The following UGT1A7 variants were observed in gnomAD, a reference collection of about 807,000 sequenced individuals.
The protein encoded by UGT1A7 is UDP glucuronosyltransferase family 1 member A7.
In UGT1A7, 33 loss-of-function variants were observed where a neutral mutation model predicts 45.6. That is an observed-to-expected ratio of 0.72 (90% CI 0.55 to 0.97). UGT1A7 has a LOEUF of 0.97. Among genes scored for constraint, UGT1A7 ranks in the 50% least tolerant of loss-of-function variants. The pLI, the probability that UGT1A7 is intolerant of heterozygous loss-of-function variation, is 0.00. For synonymous variants in UGT1A7, 274 were observed against 250.6 expected (o/e 1.09, Z -0.88); for missense variants, 684 against 666.2 (o/e 1.03, Z -0.29).
At chr2:233,762,567 G>A (rs1279617671) in intron 1 of UGT1A7, among the ~76,000 whole-genome samples, 2 of 152,176 alleles carry the variant, frequency 1.3e-5, no homozygotes, top group Non-Finnish European at 2.9e-5. Flanking sequence ...ATCTAGTCTA[G>A]TTCCCCACAG....
At chr2:233,714,147 C>T (rs548246419) in intron 1 of UGT1A7, among the ~76,000 whole-genome samples, 18 of 152,186 alleles carry the variant, frequency 1.2e-4, no homozygotes, top group Admixed American at 6.5e-5. Flanking sequence ...GCACCATCTT[C>T]ATGGCTGTGG....
intron 1 of UGT1A7, chr2:233,729,272 G>C: frequency 6.2e-7 from 1 of 1,614,200 alleles, no homozygotes; most frequent in South Asian, 1.1e-5. Flanking sequence ...GAGGTCTTGC[G>C]GGAGCTCCAT....
rs574132609 is a variant in UGT1A7, at chr2:233,741,478, G to A, written c.856-25556G>A. The A allele has an allele frequency of 8.6e-5, 13 of 151,780 alleles. 2 individuals carry two copies. Among genetic ancestry groups the A allele is most frequent in the African/African-American group, 2.4e-4 (10 of 41,054 alleles). The allele number at this position is 151,780 out of a possible 1,614,324, so 9.4% of individuals were successfully genotyped here. A position where few individuals can be genotyped will look rare whatever the true frequency, so the allele number is the denominator to read the frequency against. ...TATCTTCACACATGTAAGTTCCCTCGTCTGATGTACAAAAAACTGAACTCA... is the reference window on the plus strand; with the variant it reads ...TATCTTCACACATGTAAGTTCCCTCATCTGATGTACAAAAAACTGAACTCA... On this transcript the variant is annotated intron_variant, in intron 1 of 4. Transcript: ENST00000373426.
intron 1 of UGT1A7, among the ~76,000 whole-genome samples, chr2:233,686,505 GT>G (rs2074792464): frequency 6.6e-6 from 1 of 152,032 alleles, no homozygotes; most frequent in Admixed American, 6.5e-5. Flanking sequence ...GTGAGCCCAG[GT>G]GGAGCCTCCA....
At chr2:233,724,314 G>C (rs1472414004) in intron 1 of UGT1A7, among the ~76,000 whole-genome samples, 1 of 144,282 alleles carries the variant, frequency 6.9e-6, no homozygotes, top group African/African-American at 2.6e-5. Flanking sequence ...CCTCCCGGAC[G>C]GGGCGGCTGG....
Position 233,746,095 on chromosome 2 carries a change from T to C in UGT1A7, c.856-20939T>C, listed in dbSNP as rs1329833739. On this transcript the variant is annotated intron_variant, in intron 1 of 4. Coordinates refer to ENST00000373426, the MANE Select transcript of UGT1A7 (RefSeq NM_019077.3). Reference sequence around the variant, plus strand: ...GAGGAGTCACTTCTATACAGAAACATGTCCAGAGTGCTTACTGTCTGCAAA... The same window carrying C: ...GAGGAGTCACTTCTATACAGAAACACGTCCAGAGTGCTTACTGTCTGCAAA... Among the ~76,000 whole-genome samples the C allele has an allele frequency of 2.0e-5, 3 of 151,920 alleles. No homozygotes were observed. The East Asian group carries it at 5.8e-4, about 29-fold the overall frequency.
chr2:233,719,706 A>G (rs1314284418), intron 1 of UGT1A7: 4 of 1,614,008 alleles, frequency 2.5e-6, no homozygotes, highest in Non-Finnish European at 3.4e-6. Flanking sequence ...TGGTGCCTTC[A>G]TCCAATCAAT....
chr2:233,688,693 C>T (rs898066571), intron 1 of UGT1A7, among the ~76,000 whole-genome samples: 3 of 152,096 alleles, frequency 2.0e-5, no homozygotes, highest in Non-Finnish European at 2.9e-5. Flanking sequence ...TAATATTAAA[C>T]GTCCTTCATT....
rs1699539864 is a variant in UGT1A7, at chr2:233,767,990, G to A, written c.1075+54G>A. ...CAAACCAGGGTCAAATTAAGAAAATGGCTTAAGCACAGCTATTCTAAAGGA... is the reference window on the plus strand; with the variant it reads ...CAAACCAGGGTCAAATTAAGAAAATAGCTTAAGCACAGCTATTCTAAAGGA... On this transcript the variant is annotated intron_variant, in intron 3 of 4. Coordinates refer to ENST00000373426, the MANE Select transcript of UGT1A7 (RefSeq NM_019077.3). 1.9e-5 allele frequency: 30 copies of A among 1,613,976 alleles called. No individual in the cohort carries two copies. In the South Asian group the frequency reaches 3.2e-4, roughly 17 times the overall value.
rs542172440 is a variant in UGT1A7 at position 233,772,689 on chromosome 2, A to C, written c.*130A>C. ...CTTTGCATAAATTAATCAGCCCCAG[A>C]GTGCTTTAAAAAATTCTCTTAAATA... On this transcript the variant is annotated 3_prime_UTR_variant, in exon 5 of 5. Transcript: ENST00000373426. 4.0e-6 allele frequency: 6 copies of C among 1,492,458 alleles called. No homozygotes were observed. In the African/African-American group the frequency reaches 8.5e-5, roughly 21 times the overall value. 92.5% of individuals were successfully genotyped at this position (1,492,458 alleles called of 1,614,324 possible). A position where few individuals can be genotyped will look rare whatever the true frequency, so the allele number is the denominator to read the frequency against.
chr2:233,705,417 G>T (rs1339008416), intron 1 of UGT1A7, among the ~76,000 whole-genome samples: 2 of 152,146 alleles, frequency 1.3e-5, no homozygotes, highest in African/African-American at 4.8e-5. Context: ...TGTCTTCAGA[G>T]GTGGCTCATA....
At chr2:233,742,842 A>G (rs1167043204) in intron 1 of UGT1A7, 1 of 158,994 alleles carries the variant, frequency 6.3e-6, no homozygotes, top group Non-Finnish European at 1.4e-5. Flanking sequence ...TACACACTAA[A>G]CAATAAAGTC....
chr2:233,719,258 T>C (rs2076743252), intron 1 of UGT1A7: 1 of 1,614,162 alleles, frequency 6.2e-7, no homozygotes, highest in Non-Finnish European at 8.5e-7. Flanking sequence ...CTACTTCCTT[T>C]GATGTGGTTT....
chr2:233,754,393 T>C (rs1161428077), intron 1 of UGT1A7: 1 of 317,382 alleles, frequency 3.2e-6, no homozygotes, highest in South Asian at 2.8e-5. Context: ...AGAGGTCCTA[T>C]CCGTGCAGTC....
intron 1 of UGT1A7, chr2:233,747,878 C>A: frequency 6.2e-7 from 1 of 1,613,056 alleles, no homozygotes; most frequent in South Asian, 1.1e-5. Context: ...CCCTGTCCTA[C>A]CTTTGCCATG....
chr2:233,687,974 G>A (rs572846343), intron 1 of UGT1A7, among the ~76,000 whole-genome samples: 107 of 152,256 alleles, frequency 7.0e-4, no homozygotes, highest in Admixed American at 3.9e-3. Context: ...TTCATGTATC[G>A]TAAAATTCAG....
At chr2:233,713,969 C>G (rs2076358938) in intron 1 of UGT1A7, 1 of 1,602,230 alleles carries the variant, frequency 6.2e-7, no homozygotes. Flanking sequence ...GATTTCATTT[C>G]TGCTTCTCAT....
chr2:233,757,270 C>T (rs1464122204), intron 1 of UGT1A7, among the ~76,000 whole-genome samples: 2 of 102,654 alleles, frequency 1.9e-5, no homozygotes, highest in African/African-American at 7.7e-5. Context: ...GCAGCCGATG[C>T]AATGATTCAG....
intron 1 of UGT1A7, among the ~76,000 whole-genome samples, chr2:233,700,130 A>G (rs1434848061): frequency 2.0e-5 from 3 of 152,150 alleles, no homozygotes; most frequent in Admixed American, 6.5e-5. Flanking sequence ...CCACCCTCTG[A>G]GCTGTTTGTC....
Sources: gnomAD v4.1 joint callset for allele counts (sites outside exome capture counted in the v4.1 genomes callset) on GRCh38, gnomAD v4.1.1 for gene constraint, MANE v1.5 for transcripts, NCBI Gene and HGNC (gene_info 2026-07-23, HGNC 2026-07-21) for gene names.